CFAP45: variants seen among roughly 807,000 people sequenced by gnomAD.
CFAP45 encodes cilia- and flagella-associated protein 45.
CFAP45 carries 43 observed loss-of-function variants against 75.6 expected under a neutral mutation model. That is an observed-to-expected ratio of 0.57 (90% CI 0.45 to 0.73). The LOEUF is 0.73. Ranked by LOEUF, CFAP45 falls within the 30% of genes least tolerant of loss-of-function variation. The probability of loss-of-function intolerance (pLI) is 0.00; values close to 1 mark genes in which losing one functional copy is unlikely to be tolerated. For synonymous variants in CFAP45, 223 were observed against 244.6 expected (o/e 0.91, Z 0.82); for missense variants, 689 against 701.5 (o/e 0.98, Z 0.20).
Position 159,887,827 on chromosome 1 carries a change from G to A in CFAP45, c.588+14C>T, listed in dbSNP as rs1649726737. ...AGTGAATGCTCAGAGGGAAGGGAGAGACGAAGAGCCCACCTTGCTCATGTC... is the reference window on the plus strand; with the variant it reads ...AGTGAATGCTCAGAGGGAAGGGAGAAACGAAGAGCCCACCTTGCTCATGTC... On this transcript the variant is annotated intron_variant, in intron 5 of 11. Transcript: ENST00000368099. 2 of 1,604,988 alleles carry A rather than the reference G, an allele frequency of 1.2e-6. No homozygotes were observed. Among genetic ancestry groups the A allele is most frequent in the South Asian group, 1.1e-5 (1 of 90,202 alleles).
In CFAP45 at chr1:159,877,396, G is replaced by T; in HGVS notation, c.1111C>A (p.Arg371Ser). ...IRREKEKEIA[R>S]LRAMQEKAQD... The stretch of plus-strand genomic sequence containing the variant: ...GCCTTCTCCTGCATGGCCCTCAAGC[G>T]TGCGATCTCCTTCTCTTTCTCCCTC... Residue 371 changes from arginine to serine, a missense_variant, in exon 9 of 12, where the codon CGC (arginine) becomes AGC (serine). Physicochemically the swap from Arg to Ser is moderately radical, Grantham distance 110 (BLOSUM62 -1). Transcript: ENST00000368099. 1.2e-6 allele frequency: 2 copies of T among 1,614,054 alleles called. No homozygotes were observed. The highest frequency in any genetic ancestry group is 1.7e-6 in the Non-Finnish European group (2 of 1,179,952).
chr1:159,891,781 C>A (rs1176754192), intron 2 of CFAP45, among the ~76,000 whole-genome samples: 2 of 152,188 alleles, frequency 1.3e-5, no homozygotes, highest in Admixed American at 1.3e-4. Flanking sequence ...CACTTCTGCC[C>A]TCTACTGCCC....
In CFAP45 at chr1:159,872,405, G is replaced by C; in HGVS notation, c.*80C>G. 9.3e-7 allele frequency: 1 copy of C among 1,076,590 alleles called. No homozygotes were observed. Among genetic ancestry groups the C allele is most frequent in the Non-Finnish European group, 1.4e-6 (1 of 690,952 alleles). The allele number at this position is 1,076,590 out of a possible 1,614,324, so 66.7% of individuals were successfully genotyped here. ...TTAATCTGTAACTATGAAATGTCTA[G>C]GTTAGCAGCAATTATGGATGCCCAG... On this transcript the variant is annotated 3_prime_UTR_variant, in exon 12 of 12. Transcript: ENST00000368099.
chr1:159,876,911 C>T, intron 9 of CFAP45, 162 bp from the exon 10 acceptor site: 2 of 723,182 alleles, frequency 2.8e-6, no homozygotes, highest in Non-Finnish European at 4.7e-6. Flanking sequence ...AAATGGAATC[C>T]TGTCATCAAA....
Position 159,887,902 on chromosome 1 carries a change from A to T in CFAP45, c.527T>A (p.Leu176His). Residue 176 changes from leucine (L) to histidine (H), a missense_variant, in exon 5 of 12, where the codon CTC (leucine) becomes CAC (histidine). Leu to His is a moderately conservative substitution (Grantham distance 99). Transcript: ENST00000368099. ...CCGCAGCTTGTTGGCTCTCTGCAGGAGGTTCTGGGCCCGTTCCTTGGCCAC... is the reference window on the plus strand; with the variant it reads ...CCGCAGCTTGTTGGCTCTCTGCAGGTGGTTCTGGGCCCGTTCCTTGGCCAC... ...EEVAKERAQN[L>H]LQRANKLRME... is the part of the protein sequence containing the mutation. 6.2e-7 allele frequency: 1 copy of T among 1,614,188 alleles called. No homozygotes were observed. The highest frequency in any genetic ancestry group is 1.6e-4 in the Middle Eastern group (1 of 6,062).
chr1:159,872,736 G>A (rs1414091727), intron 11 of CFAP45, among the ~76,000 whole-genome samples, 173 bp from the exon 12 acceptor site: 2 of 152,164 alleles, frequency 1.3e-5, no homozygotes, highest in Non-Finnish European at 2.9e-5. Flanking sequence ...ATCCTGCCAA[G>A]GAGCTCCCAG....
intron 1 of CFAP45, among the ~76,000 whole-genome samples, chr1:159,899,756 C>T (rs1020265005): frequency 1.1e-4 from 17 of 152,074 alleles, no homozygotes; most frequent in South Asian, 6.2e-4. Flanking sequence ...CGTAAGCCAC[C>T]GCGCCCGGCC....
chr1:159,889,637 C>A (rs1252503812), intron 3 of CFAP45, among the ~76,000 whole-genome samples: 1 of 152,210 alleles, frequency 6.6e-6, no homozygotes, highest in Non-Finnish European at 1.5e-5. Context: ...AAGAAGGAAC[C>A]CTTCCTCCCT....
At position 159,884,337 on chromosome 1, in the gene CFAP45, G is replaced by A. The variant is rs1330219876; in HGVS notation, c.897+99C>T. 3 of 1,266,414 alleles carry A rather than the reference G, an allele frequency of 2.4e-6. No individual in the cohort carries two copies. In the Admixed American group the frequency reaches 7.5e-5, roughly 32 times the overall value. The allele number at this position is 1,266,414 out of a possible 1,614,324, so 78.4% of individuals were successfully genotyped here. On this transcript the variant is annotated intron_variant, in intron 7 of 11. Transcript: ENST00000368099. The stretch of plus-strand genomic sequence containing the variant: ...TGATGATGTTGTGAAATGAGCATGT[G>A]CCTGGCAGAAAATCAGTCAACACCC...
intron 10 of CFAP45, among the ~76,000 whole-genome samples, chr1:159,874,309 C>T (rs527818087): frequency 1.1e-4 from 16 of 152,248 alleles, no homozygotes; most frequent in African/African-American, 2.6e-4. Context: ...GCTTCATTTC[C>T]TCATTTCCCT....
At chr1:159,885,160 G>GAC (rs1212726954) in intron 6 of CFAP45, among the ~76,000 whole-genome samples, 5 of 152,220 alleles carry the variant, frequency 3.3e-5, no homozygotes, top group Non-Finnish European at 7.3e-5. Context: ...ATGGCTTCAT[G>GAC]ACTCCAGATG....
chr1:159,878,327 C>A (rs1179815431), intron 8 of CFAP45, among the ~76,000 whole-genome samples: 1 of 152,188 alleles, frequency 6.6e-6, no homozygotes, highest in Non-Finnish European at 1.5e-5. Flanking sequence ...AATGAACCAC[C>A]AAAATTAGCT....
intron 8 of CFAP45, among the ~76,000 whole-genome samples, chr1:159,878,710 C>T (rs554086121): frequency 3.6e-5 from 5 of 139,610 alleles, no homozygotes; most frequent in Non-Finnish European, 7.5e-5. Context: ...GAGCTGAGAT[C>T]GCACCACTGC....
At position 159,878,768 on chromosome 1, in the gene CFAP45, A is replaced by AAAAAAAAAAAAAAAAAAAAC. The variant is rs1345139458; in HGVS notation, c.1045-1307_1045-1306insGTTTTTTTTTTTTTTTTTTT. Among the ~76,000 whole-genome samples, 23 of 141,396 alleles carry AAAAAAAAAAAAAAAAAAAAC rather than the reference A, an allele frequency of 1.6e-4. 1 individual carries two copies. The highest frequency in any genetic ancestry group is 3.5e-3 in the Middle Eastern group (1 of 288). 92.8% of individuals were successfully genotyped at this position (141,396 alleles called of 152,430 possible). A position where few individuals can be genotyped will look rare whatever the true frequency, so the allele number is the denominator to read the frequency against. ...AGACTACATCTAAAAAAAAAAAAAA[A>AAAAAAAAAAAAAAAAAAAAC]AAAAAAAAAAAAAACCTTCCTTGCC... On this transcript the variant is annotated intron_variant, in intron 8 of 11. Transcript: ENST00000368099.
In CFAP45 at chr1:159,888,412, C is replaced by A; in HGVS notation, c.357G>T (p.Leu119=). Residue 119 remains leucine (L), a synonymous_variant, in exon 4 of 12, where the codon CTG becomes CTT. Coordinates refer to ENST00000368099, the MANE Select transcript of CFAP45 (RefSeq NM_012337.3). The part of the protein sequence containing the change: ...FERIKWASHV[L]TREELEARDQ... ...CCCTGGCCTCAAGTTCTTCTCTGGTCAGGACATGGGATGCCCATTTGATTC... is the reference window on the plus strand; with the variant it reads ...CCCTGGCCTCAAGTTCTTCTCTGGTAAGGACATGGGATGCCCATTTGATTC... 6.2e-7 allele frequency: 1 copy of A among 1,610,626 alleles called. No homozygotes were observed. The highest frequency in any genetic ancestry group is 8.5e-7 in the Non-Finnish European group (1 of 1,177,438).
At chr1:159,880,417 G>A (rs899266693) in intron 8 of CFAP45, 137 bp downstream of exon 8, 9 of 741,832 alleles carry the variant, frequency 1.2e-5, no homozygotes, top group Middle Eastern at 4.0e-4. Flanking sequence ...AAGAAGCCAG[G>A]CCCTTGAACT....
chr1:159,872,414 C>A lies in CFAP45; in HGVS notation c.*71G>T. 8.8e-7 allele frequency: 1 copy of A among 1,142,368 alleles called. No homozygotes were observed. Among genetic ancestry groups the A allele is most frequent in the Non-Finnish European group, 1.3e-6 (1 of 750,394 alleles). The allele number at this position is 1,142,368 out of a possible 1,614,324, so 70.8% of individuals were successfully genotyped here. A position where few individuals can be genotyped will look rare whatever the true frequency, so the allele number is the denominator to read the frequency against. On this transcript the variant is annotated 3_prime_UTR_variant, in exon 12 of 12. Coordinates refer to ENST00000368099, the MANE Select transcript of CFAP45 (RefSeq NM_012337.3). ...AACTATGAAATGTCTAGGTTAGCAG[C>A]AATTATGGATGCCCAGAGACTGGGC... is the stretch of plus-strand genomic sequence containing the variant.
intron 7 of CFAP45, among the ~76,000 whole-genome samples, chr1:159,882,273 G>A (rs181476968): frequency 1.4e-4 from 21 of 151,538 alleles, no homozygotes; most frequent in Admixed American, 1.1e-3. Context: ...CTTCCTAACT[G>A]CTTCTCACTG....
intron 10 of CFAP45, chr1:159,876,279 C>T: frequency 4.0e-6 from 2 of 494,172 alleles, no homozygotes; most frequent in Non-Finnish European, 7.3e-6. Context: ...AGAATTTTAC[C>T]TTTATTTATA....
Sources: allele counts gnomAD v4.1 joint callset (sites outside exome capture counted in the v4.1 genomes callset), GRCh38; gene constraint gnomAD v4.1.1; transcripts MANE v1.5; gene names NCBI Gene and HGNC (gene_info 2026-07-23, HGNC 2026-07-21).